The following TIMP2 variants were observed in gnomAD, a reference collection of about 807,000 sequenced individuals.
TIMP2 encodes the protein metalloproteinase inhibitor 2.
Under a neutral mutation model 24.3 loss-of-function variants are expected in TIMP2, and 5 were observed. The ratio of observed to expected loss-of-function variants is 0.21; its 90% confidence interval spans 0.11 to 0.43. TIMP2 has a LOEUF of 0.43. Among genes scored for constraint, TIMP2 ranks in the 20% least tolerant of loss-of-function variants. TIMP2 has a pLI of 1.00. For synonymous variants in TIMP2, 130 were observed against 123.2 expected, an observed-to-expected ratio of 1.06 and a Z score of -0.37; for missense variants, 221 against 297.5, an observed-to-expected ratio of 0.74 and a Z score of 1.89.
intron 1 of TIMP2, chr17:78,902,877 A>G (rs2070117339): frequency 6.6e-6 from 1 of 152,306 alleles, no homozygotes; most frequent in African/African-American, 2.4e-5. Context: ...TCCAACAACC[A>G]TATTCATCTC....
chr17:78,879,139 T>C (rs2069756065), intron 1 of TIMP2, among the ~76,000 whole-genome samples: 1 of 152,178 alleles, frequency 6.6e-6, no homozygotes, highest in Non-Finnish European at 1.5e-5. Flanking sequence ...GGGTGAATCC[T>C]GCATACAGCA....
chr17:78,901,719 A>G (rs1314574263), intron 1 of TIMP2: 6 of 717,108 alleles, frequency 8.4e-6, no homozygotes, highest in Non-Finnish European at 1.6e-5. Flanking sequence ...ACCCATCTAC[A>G]GAGATGCCAG....
chr17:78,909,017 G>C (rs2145790863), intron 1 of TIMP2, among the ~76,000 whole-genome samples: 1 of 152,290 alleles, frequency 6.6e-6, no homozygotes, highest in Non-Finnish European at 1.5e-5. Flanking sequence ...GCCCAGGAGA[G>C]TCATGTGTGT....
chr17:78,909,960 AG>A (rs1309188789), intron 1 of TIMP2, among the ~76,000 whole-genome samples: 1 of 152,164 alleles, frequency 6.6e-6, no homozygotes, highest in Admixed American at 6.5e-5. Flanking sequence ...TGATGCTTTA[AG>A]GAACACACCT....
intron 1 of TIMP2, among the ~76,000 whole-genome samples, chr17:78,878,977 C>T (rs1032504371): frequency 4.6e-5 from 7 of 152,230 alleles, no homozygotes; most frequent in South Asian, 4.1e-4. Context: ...AGCACCAGCA[C>T]GCCGCAGACA....
intron 1 of TIMP2, among the ~76,000 whole-genome samples, chr17:78,923,386 T>TG (rs2070322597): frequency 1.3e-4 from 1 of 7,858 alleles, no homozygotes; most frequent in African/African-American, 1.5e-4. Flanking sequence ...AGTGTGTGTG[T>TG]GGGGCGGGGT....
In TIMP2 at chr17:78,891,803, C is replaced by A. The variant is rs768938797; in HGVS notation, c.131-17884G>T. On this transcript the variant is annotated intron_variant, in intron 1 of 4. Coordinates refer to ENST00000262768, the MANE Select transcript of TIMP2 (RefSeq NM_003255.5). The surrounding 1 kb of genome is among the most constrained non-coding windows in gnomAD (Gnocchi z 4.5). ...AGGATGGATGGCACAGCGGCCACCC[C>A]CAGACTTGGTCGAAGGTTCTGGCCT... is the stretch of plus-strand genomic sequence containing the variant. 1 of 1,551,000 alleles carries A rather than the reference C, an allele frequency of 6.4e-7. No homozygotes were observed. Among genetic ancestry groups the A allele is most frequent in the South Asian group, 1.2e-5 (1 of 84,068 alleles).
At position 78,896,018 on chromosome 17, in the gene TIMP2, T is replaced by C. The variant is rs1373676866; in HGVS notation, c.131-22099A>G. 6.6e-6 allele frequency among the ~76,000 whole-genome samples: 1 copy of C among 152,258 alleles called. No homozygotes were observed. Among genetic ancestry groups the C allele is most frequent in the African/African-American group, 2.4e-5 (1 of 41,472 alleles). ...CCCAATGAAGCAGCGTCAGTTTTCC[T>C]GGAGACACGCAAACGGGTAAAAACT... On this transcript the variant is annotated intron_variant, in intron 1 of 4. Coordinates refer to ENST00000262768, the MANE Select transcript of TIMP2 (RefSeq NM_003255.5). This position sits in a 1 kb window ranked among gnomAD's most constrained non-coding sequence, Gnocchi z 4.4.
At chr17:78,876,118 C>T (rs1051756995) in intron 1 of TIMP2, among the ~76,000 whole-genome samples, 2 of 152,152 alleles carry the variant, frequency 1.3e-5, no homozygotes, top group Non-Finnish European at 2.9e-5. Flanking sequence ...TCCTCTCATC[C>T]ACCGCAACCA....
rs762666735 is a variant in TIMP2, at chr17:78,857,552, G to A, written c.435C>T (p.Asn145=). Reference sequence around the variant, plus strand: ...ACTCGCAGCCCATCTGGTACCTGTGGTTCAGGCTCTTCTTCTGGGTGGTGC... The same window carrying A: ...ACTCGCAGCCCATCTGGTACCTGTGATTCAGGCTCTTCTTCTGGGTGGTGC... ...TLSTTQKKSL[N]HRYQMGCECK... The change falls in exon 4 of 5, where the codon AAC becomes AAT. Residue 145 remains asparagine (N), a synonymous_variant. Transcript: ENST00000262768. The A allele has an allele frequency of 1.2e-6, 2 of 1,614,188 alleles. No individual in the cohort carries two copies. The highest frequency in any genetic ancestry group is 2.2e-5 in the South Asian group (2 of 91,080).
chr17:78,887,166 G>A (rs2069831914), intron 1 of TIMP2, among the ~76,000 whole-genome samples: 1 of 152,204 alleles, frequency 6.6e-6, no homozygotes, highest in Admixed American at 6.5e-5. Flanking sequence ...AACGCTTGTT[G>A]GTTCCACGAG....
intron 1 of TIMP2, among the ~76,000 whole-genome samples, chr17:78,884,012 G>A (rs1359030210): frequency 6.6e-6 from 1 of 152,248 alleles, no homozygotes; most frequent in African/African-American, 2.4e-5. Context: ...TGAGAACAGT[G>A]CGGCTTTGTG....
intron 1 of TIMP2, among the ~76,000 whole-genome samples, chr17:78,879,819 T>C (rs7222198): frequency 0.93 from 140,834 of 151,678 alleles, 65,472 homozygotes; most frequent in African/African-American, 0.95. Context: ...CACACGCAAC[T>C]GCAGGGTCCC....
chr17:78,875,181 G>C (rs942558297), intron 1 of TIMP2, among the ~76,000 whole-genome samples: 3 of 152,168 alleles, frequency 2.0e-5, no homozygotes, highest in Admixed American at 1.3e-4. Context: ...CCCAGCCTGG[G>C]TGATTCTTTA....
At position 78,855,810 on chromosome 17, in the gene TIMP2, A is replaced by G. The variant is rs947748978; in HGVS notation, c.520T>C (p.Trp174Arg). ...TTCTTCTCTGTGACCCAGTCCATCC[A>G]GAGGCACTCGTCCGGGGAGGAGATG... Reference protein sequence around the residue: ...CYISSPDECLWMDWVTEKNIN... With the variant: ...CYISSPDECLRMDWVTEKNIN... Residue 174 changes from tryptophan to arginine, a missense_variant, in exon 5 of 5, where the codon TGG becomes CGG. Trp to Arg is a moderately radical substitution (Grantham distance 101). Transcript: ENST00000262768. The surrounding 1 kb of genome is among the most constrained non-coding windows in gnomAD (Gnocchi z 6.0). 2 of 1,614,120 alleles carry G rather than the reference A, an allele frequency of 1.2e-6. No homozygotes were observed. The highest frequency in any genetic ancestry group is 1.7e-6 in the Non-Finnish European group (2 of 1,180,022).
At chr17:78,869,634 A>G (rs2069655976) in intron 3 of TIMP2, among the ~76,000 whole-genome samples, 1 of 151,982 alleles carries the variant, frequency 6.6e-6, no homozygotes, top group African/African-American at 2.4e-5. Flanking sequence ...AACGTGGTGA[A>G]ACCCTGTCTG....
At chr17:78,893,143 GTACATGTGTGTGCAGGGGTGTGTGTGCA>G (rs1304701986) in intron 1 of TIMP2, among the ~76,000 whole-genome samples, 410 of 144,866 alleles carry the variant, frequency 2.8e-3, no homozygotes, top group Non-Finnish European at 4.0e-3. Context: ...GTGTGTGTGC[GTACATGTGTGTGCAGGGGTGTGTGTGCA>G]TACATGTGTG....
At position 78,855,588 on chromosome 17, in the gene TIMP2, G is replaced by A; in HGVS notation, c.*79C>T. On this transcript the variant is annotated 3_prime_UTR_variant, in exon 5 of 5. Transcript: ENST00000262768. The surrounding 1 kb of genome is among the most constrained non-coding windows in gnomAD (Gnocchi z 6.0). ...AGTGTTTTATTCATGCTGTTTCCAGGAAGGGATGTCAGAGCTGGACCAGTC... is the reference window on the plus strand; with the variant it reads ...AGTGTTTTATTCATGCTGTTTCCAGAAAGGGATGTCAGAGCTGGACCAGTC... 4.1e-6 allele frequency: 6 copies of A among 1,481,444 alleles called. No individual in the cohort carries two copies. Among genetic ancestry groups the A allele is most frequent in the Non-Finnish European group, 5.5e-6 (6 of 1,083,274 alleles). The allele number at this position is 1,481,444 out of a possible 1,614,324, so 91.8% of individuals were successfully genotyped here.
intron 1 of TIMP2, among the ~76,000 whole-genome samples, chr17:78,917,231 G>A (rs1035788559): frequency 6.7e-5 from 9 of 134,890 alleles, no homozygotes; most frequent in African/African-American, 2.2e-4. Context: ...CAGCCTGGGC[G>A]ACAGAGCGAG....
Sources: gnomAD v4.1 joint callset for allele counts (sites outside exome capture counted in the v4.1 genomes callset) on GRCh38, gnomAD v4.1.1 for gene constraint, Gnocchi (gnomAD v3.1) non-coding constraint, MANE v1.5 for transcripts, NCBI Gene and HGNC (gene_info 2026-07-23, HGNC 2026-07-21) for gene names.